NFATC2: variants seen among roughly 807,000 people sequenced by gnomAD.
NFATC2 encodes the protein nuclear factor of activated T-cells, cytoplasmic 2.
NFATC2 carries 22 observed loss-of-function variants against 87.3 expected under a neutral mutation model. The observed-to-expected ratio is 0.25, with a 90% CI of 0.18 to 0.36. NFATC2 has a LOEUF of 0.36. Among genes scored for constraint, NFATC2 ranks in the 10% least tolerant of loss-of-function variants. The pLI, the probability that NFATC2 is intolerant of heterozygous loss-of-function variation, is 1.00. For synonymous variants in NFATC2, 565 were observed against 542.2 expected (o/e 1.04, Z -0.58); for missense variants, 1,149 against 1,259.1 (o/e 0.91, Z 1.32).
Position 51,389,971 on chromosome 20 carries a change from C to A in NFATC2, c.*1525G>T, listed in dbSNP as rs951926343. On this transcript the variant is annotated 3_prime_UTR_variant, in exon 11 of 11. Coordinates refer to ENST00000371564, the MANE Select transcript of NFATC2 (RefSeq NM_012340.5). ...ACAACTGAATGGCTGAAAAATGAATCCCCCGCTTGTCCTGGGGTATCTGCA... is the reference window on the plus strand; with the variant it reads ...ACAACTGAATGGCTGAAAAATGAATACCCCGCTTGTCCTGGGGTATCTGCA... The A allele has an allele frequency of 3.3e-5, 5 of 152,174 alleles. No homozygotes were observed. Among genetic ancestry groups the A allele is most frequent in the African/African-American group, 1.2e-4 (5 of 41,426 alleles). The allele number at this position is 152,174 out of a possible 1,614,324, so 9.4% of individuals were successfully genotyped here. A position where few individuals can be genotyped will look rare whatever the true frequency, so the allele number is the denominator to read the frequency against.
At chr20:51,399,424 T>G (rs945617871) in intron 9 of NFATC2, among the ~76,000 whole-genome samples, 1 of 152,262 alleles carries the variant, frequency 6.6e-6, no homozygotes, top group Non-Finnish European at 1.5e-5. Context: ...AATGCCTGAT[T>G]TAGAAATGTT....
At chr20:51,526,453 A>G (rs1230724096) in intron 1 of NFATC2, among the ~76,000 whole-genome samples, 1 of 152,090 alleles carries the variant, frequency 6.6e-6, no homozygotes, top group Non-Finnish European at 1.5e-5. Context: ...CCCACACTCG[A>G]CCCAGAGCTC....
chr20:51,466,115 G>T lies in NFATC2; in HGVS notation c.1708+7865C>A, dbSNP rs228850. Among the ~76,000 whole-genome samples the T allele has an allele frequency of 9.9e-5, 15 of 152,024 alleles. No individual in the cohort carries two copies. The South Asian group carries it at 1.5e-3, about 15-fold the overall frequency. On this transcript the variant is annotated intron_variant, in intron 5 of 10. Transcript: ENST00000371564. The stretch of plus-strand genomic sequence containing the variant: ...TCGCCCAGGCTGGAGTGCAGTGGTG[G>T]GATCTCGGCTCACTGCAACCTCCGC...
chr20:51,536,898 A>AACACACACAC lies in NFATC2; in HGVS notation c.130+5462_130+5471dup, dbSNP rs10648135. On this transcript the variant is annotated intron_variant, in intron 1 of 10. Transcript: ENST00000371564. Reference sequence around the variant, plus strand: ...AGAACACTATTTTTAGCAAGCACCAAACACACACACACACACACACACACA... The same window carrying AACACACACAC: ...AGAACACTATTTTTAGCAAGCACCAAACACACACACACACACACACACACACACACACACA... 1.8e-3 allele frequency among the ~76,000 whole-genome samples: 266 copies of AACACACACAC among 149,788 alleles called. 3 individuals are homozygous for AACACACACAC. The highest frequency in any genetic ancestry group is 8.1e-3 in the South Asian group (38 of 4,682).
chr20:51,404,452 G>T (rs1988359674), intron 9 of NFATC2, among the ~76,000 whole-genome samples: 1 of 152,222 alleles, frequency 6.6e-6, no homozygotes, highest in Non-Finnish European at 1.5e-5. Flanking sequence ...CACATTACTT[G>T]TTTTGGGAAT....
intron 3 of NFATC2, among the ~76,000 whole-genome samples, chr20:51,497,722 G>T (rs2076012500): frequency 6.6e-6 from 1 of 152,128 alleles, no homozygotes; most frequent in Non-Finnish European, 1.5e-5. Flanking sequence ...CAGGGAGGGG[G>T]CGATTGAGAA....
intron 6 of NFATC2, among the ~76,000 whole-genome samples, chr20:51,453,303 C>T (rs533197824): frequency 6.6e-5 from 10 of 152,320 alleles, no homozygotes; most frequent in African/African-American, 1.9e-4. Flanking sequence ...GTCTTACTAA[C>T]GTGTAAACTG....
intron 1 of NFATC2, among the ~76,000 whole-genome samples, chr20:51,526,597 G>A (rs1482875922): frequency 6.6e-6 from 1 of 152,122 alleles, no homozygotes; most frequent in Non-Finnish European, 1.5e-5. Context: ...AACCATGTCC[G>A]GGGCCTGCCA....
intron 1 of NFATC2, among the ~76,000 whole-genome samples, chr20:51,558,939 AATAGGAGACCCG>A (rs1165107643): frequency 1.3e-5 from 2 of 152,206 alleles, no homozygotes; most frequent in Non-Finnish European, 2.9e-5. Context: ...GACTCACAGA[AATAGGAGACCCG>A]ATCCCTGGCC....
chr20:51,420,671 G>A (rs1600696513), intron 9 of NFATC2, among the ~76,000 whole-genome samples: 2 of 152,150 alleles, frequency 1.3e-5, no homozygotes, highest in Middle Eastern at 3.4e-3. Context: ...TGCTTGCAAC[G>A]CTTGGTCTGA....
intron 9 of NFATC2, among the ~76,000 whole-genome samples, chr20:51,431,649 G>A (rs542078579): frequency 6.6e-6 from 1 of 152,216 alleles, no homozygotes; most frequent in African/African-American, 2.4e-5. Context: ...TACAAAAGAG[G>A]GCTATAAAAT....
intron 3 of NFATC2, among the ~76,000 whole-genome samples, chr20:51,498,293 C>CAA (rs2076022610): frequency 6.6e-6 from 1 of 152,174 alleles, no homozygotes; most frequent in Non-Finnish European, 1.5e-5. Flanking sequence ...ACCAAAGCCT[C>CAA]AAAGCAGCAG....
At chr20:51,540,030 T>C in intron 1 of NFATC2, among the ~76,000 whole-genome samples, 1 of 152,222 alleles carries the variant, frequency 6.6e-6, no homozygotes, top group East Asian at 1.9e-4. Context: ...TTGTTGTTTT[T>C]TGAGACAGAG....
intron 1 of NFATC2, among the ~76,000 whole-genome samples, chr20:51,534,063 C>T (rs1292663004): frequency 6.6e-6 from 1 of 152,178 alleles, no homozygotes; most frequent in Non-Finnish European, 1.5e-5. Flanking sequence ...GTCCACTGTG[C>T]CGCAAGCTTT....
At chr20:51,392,726 T>TACC (rs1986506993) in intron 10 of NFATC2, among the ~76,000 whole-genome samples, 1 of 152,208 alleles carries the variant, frequency 6.6e-6, no homozygotes, top group South Asian at 2.1e-4. Flanking sequence ...TTTCTCACCT[T>TACC]AGCCTTAAGT....
At chr20:51,450,130 C>G (rs1985584477) in intron 6 of NFATC2, among the ~76,000 whole-genome samples, 1 of 152,200 alleles carries the variant, frequency 6.6e-6, no homozygotes, top group African/African-American at 2.4e-5. Context: ...AGTAAATCAT[C>G]ATCTGTATCT....
chr20:51,479,286 T>C (rs866072839), intron 3 of NFATC2, among the ~76,000 whole-genome samples: 13 of 152,216 alleles, frequency 8.5e-5, no homozygotes, highest in Middle Eastern at 3.2e-3. Flanking sequence ...TTTGTTAGCA[T>C]GGTCAATGAA....
At chr20:51,461,777 C>G (rs952279373) in intron 5 of NFATC2, among the ~76,000 whole-genome samples, 1 of 152,220 alleles carries the variant, frequency 6.6e-6, no homozygotes, top group Non-Finnish European at 1.5e-5. Flanking sequence ...TCAGGAGAGA[C>G]TGGTTAGAGA....
intron 9 of NFATC2, among the ~76,000 whole-genome samples, chr20:51,401,345 A>T (rs1310218768): frequency 2.0e-5 from 3 of 152,088 alleles, no homozygotes; most frequent in East Asian, 1.9e-4. Flanking sequence ...CAAAAAAATA[A>T]AAATAAATGA....
Sources: gnomAD v4.1 joint callset for allele counts (sites outside exome capture counted in the v4.1 genomes callset) on GRCh38, gnomAD v4.1.1 for gene constraint, MANE v1.5 for transcripts, NCBI Gene and HGNC (gene_info 2026-07-23, HGNC 2026-07-21) for gene names.